Variants in ACTR8 observed in about 807,000 individuals in gnomAD.
ACTR8 encodes the protein actin related protein 8, also known as actin-related protein 8.
A neutral mutation model predicts 84.3 loss-of-function variants in ACTR8; 70 were observed. The observed-to-expected ratio is 0.83, with a 90% CI of 0.68 to 1.01. ACTR8 has a LOEUF of 1.01. Among genes scored for constraint, ACTR8 ranks in the 50% least tolerant of loss-of-function variants. The pLI is 0.00. For missense variants in ACTR8, 672 were observed against 775.4 expected, an observed-to-expected ratio of 0.87 and a Z score of 1.58; for synonymous variants, 268 against 275.2, an observed-to-expected ratio of 0.97 and a Z score of 0.26.
Position 53,882,036 on chromosome 3 carries a change from C to T in ACTR8, c.66G>A (p.Glu22=), listed in dbSNP as rs769711810. 3.5e-5 allele frequency: 54 copies of T among 1,551,762 alleles called. 1 individual carries two copies. Among genetic ancestry groups the T allele is most frequent in the Middle Eastern group, 3.3e-4 (2 of 5,992 alleles). The part of the protein sequence containing the change: ...GKEKGGEKEK[E]QRGVKRPIVP... ...CGATGGGCCGCTTCACGCCGCGCTG[C>T]TCCTTCTCCTTCTCGCCGCCCTTCT... Residue 22 remains glutamate, a synonymous_variant, in exon 1 of 13, where the codon GAG becomes GAA. Coordinates refer to ENST00000335754, the MANE Select transcript of ACTR8 (RefSeq NM_022899.5).
rs534309799 is a variant in ACTR8 at position 53,876,083 on chromosome 3, G to C, written c.779-3C>G. The C allele has an allele frequency of 1.6e-5, 24 of 1,546,264 alleles. No homozygotes were observed. The highest frequency in any genetic ancestry group is 1.8e-5 in the Non-Finnish European group (21 of 1,155,576). On this transcript the variant is annotated splice_polypyrimidine_tract_variant and splice_region_variant and intron_variant, in intron 6 of 12. Coordinates refer to ENST00000335754, the MANE Select transcript of ACTR8 (RefSeq NM_022899.5). ...AGACTCCTGATGGACCACAATCCCT[G>C]GGGGGGGAAAAGAAAAGGCAGAGTA...
rs1370643485 is a variant in ACTR8, at chr3:53,873,020, C to T, written c.1161+12G>A. On this transcript the variant is annotated intron_variant, in intron 9 of 12. Transcript: ENST00000335754. Reference sequence around the variant, plus strand: ...TTCTTTCTACCCATGGAAACAGATACCTATAAGTTACCTGCAGTTTTTCAT... The same window carrying T: ...TTCTTTCTACCCATGGAAACAGATATCTATAAGTTACCTGCAGTTTTTCAT... 7 of 1,592,896 alleles carry T rather than the reference C, an allele frequency of 4.4e-6. No homozygotes were observed. Among genetic ancestry groups the T allele is most frequent in the African/African-American group, 1.3e-5 (1 of 74,618 alleles).
At chr3:53,877,084 C>G in intron 5 of ACTR8, 130 bp downstream of exon 5, 1 of 838,684 alleles carries the variant, frequency 1.2e-6, no homozygotes, top group Non-Finnish European at 1.7e-6. Flanking sequence ...CCTCATGCCA[C>G]CAAGAATCCT....
chr3:53,868,950 G>T, intron 12 of ACTR8, 88 bp from the exon 13 acceptor site: 1 of 1,503,482 alleles, frequency 6.7e-7, no homozygotes, highest in Non-Finnish European at 9.0e-7. Context: ...AAAAATCCCT[G>T]CTGAGTCAAT....
At chr3:53,877,863 CA>C in intron 3 of ACTR8, 112 bp from the exon 4 acceptor site, 2 of 831,750 alleles carry the variant, frequency 2.4e-6, no homozygotes, top group Non-Finnish European at 3.7e-6. Context: ...ATTTTAATCA[CA>C]AATATTTGGC....
chr3:53,873,285 G>A (rs1699916118), intron 8 of ACTR8, 158 bp from the exon 9 acceptor site: 1 of 458,088 alleles, frequency 2.2e-6, no homozygotes, highest in Non-Finnish European at 3.9e-6. Context: ...TAGGAATTAA[G>A]TTGTACTTTG....
rs1699871958 is a variant in ACTR8 at position 53,870,764 on chromosome 3, C to A, written c.1567+468G>T. ...TCCCAGCCACACAGGTCTTCACAGG[C>A]TTCTTCCTCTACCCCATCTGTGACT... On this transcript the variant is annotated intron_variant, in intron 11 of 12. Transcript: ENST00000335754. This position sits in a 1 kb window ranked among gnomAD's most constrained non-coding sequence, Gnocchi z 4.1. Among the ~76,000 whole-genome samples, 1 of 152,214 alleles carries A rather than the reference C, an allele frequency of 6.6e-6. No homozygotes were observed. Among genetic ancestry groups the A allele is most frequent in the South Asian group, 2.1e-4 (1 of 4,824 alleles).
At chr3:53,879,211 G>A (rs1199937939) in intron 2 of ACTR8, among the ~76,000 whole-genome samples, 1 of 152,120 alleles carries the variant, frequency 6.6e-6, no homozygotes, top group Non-Finnish European at 1.5e-5. Context: ...AAGATCCAAA[G>A]ATAAATAATG....
downstream of ACTR8, among the ~76,000 whole-genome samples, chr3:53,863,821 ATT>A (rs11318618): frequency 1.6e-3 from 220 of 138,286 alleles, no homozygotes; most frequent in African/African-American, 1.9e-3. Context: ...ACCTCAAAGT[ATT>A]TTTTTTTTTT....
chr3:53,878,062 C>T (rs1395995221), intron 3 of ACTR8, among the ~76,000 whole-genome samples: 3 of 152,150 alleles, frequency 2.0e-5, no homozygotes, highest in African/African-American at 7.2e-5. Context: ...ATTGGTTTAT[C>T]ATATGAAATT....
At chr3:53,865,534 A>G (rs1699756212), downstream of ACTR8, 1 of 503,974 alleles carries the variant, frequency 2.0e-6, no homozygotes, top group Non-Finnish European at 3.5e-6. Flanking sequence ...GAAATCAATT[A>G]CAGTTTTAAT....
chr3:53,879,545 CA>C (rs375746337), intron 2 of ACTR8, among the ~76,000 whole-genome samples: 6 of 152,180 alleles, frequency 3.9e-5, no homozygotes, highest in African/African-American at 1.4e-4. Flanking sequence ...CTTATTGTAA[CA>C]ATCTAATTTG....
the ACTR8 span, chr3:53,859,982 C>A: frequency 1.7e-6 from 1 of 585,378 alleles, no homozygotes; most frequent in Non-Finnish European, 2.9e-6. Context: ...TGCACTCCAG[C>A]CTAGGCAACA....
Position 53,872,457 on chromosome 3 carries a change from T to C in ACTR8, c.1229A>G (p.His410Arg). The change falls in exon 10 of 13, where the codon CAC (histidine) becomes CGC (arginine). Residue 410 changes from histidine (H) to arginine (R), a missense_variant. His to Arg is a conservative substitution (Grantham distance 29). Coordinates refer to ENST00000335754, the MANE Select transcript of ACTR8 (RefSeq NM_022899.5). Reference protein sequence around the residue: ...IVGQKMTTLQHRSQGDPEDPH... With the variant: ...IVGQKMTTLQRRSQGDPEDPH... ...ATCCTCAGGATCGCCCTGAGATCTG[T>C]GCTGCAAAGTCGTCATTTTCTGTCC... 6.2e-7 allele frequency: 1 copy of C among 1,611,644 alleles called. No individual in the cohort carries two copies. The highest frequency in any genetic ancestry group is 8.5e-7 in the Non-Finnish European group (1 of 1,179,188).
In ACTR8 at chr3:53,870,907, T is replaced by C. The variant is rs1420950881; in HGVS notation, c.1567+325A>G. On this transcript the variant is annotated intron_variant, in intron 11 of 12. Transcript: ENST00000335754. This position sits in a 1 kb window ranked among gnomAD's most constrained non-coding sequence, Gnocchi z 4.1. ...AGTGAGTAAAGATTCTATGTGAAAT[T>C]CCTCAAATTATTACACAAATGTGAA... 6.6e-6 allele frequency among the ~76,000 whole-genome samples: 1 copy of C among 152,236 alleles called. No homozygotes were observed. The highest frequency in any genetic ancestry group is 1.5e-5 in the Non-Finnish European group (1 of 68,038).
chr3:53,881,600 C>T (rs916935222), intron 1 of ACTR8: 1 of 331,100 alleles, frequency 3.0e-6, no homozygotes, highest in Non-Finnish European at 5.7e-6. Context: ...GTGAGCCAGC[C>T]TGGTCCTAAA....
At chr3:53,879,620 T>G (rs1322728108) in intron 2 of ACTR8, among the ~76,000 whole-genome samples, 1 of 152,202 alleles carries the variant, frequency 6.6e-6, no homozygotes, top group Non-Finnish European at 1.5e-5. Flanking sequence ...AAAGAGATAT[T>G]TACAGTTTAA....
At chr3:53,878,491 C>A in intron 2 of ACTR8, 24 bp from the exon 3 acceptor site, 1 of 1,402,884 alleles carries the variant, frequency 7.1e-7, no homozygotes, top group South Asian at 1.2e-5. Flanking sequence ...GAAAGATGAG[C>A]AGTACAAAGG....
At chr3:53,865,177 C>T (rs781706838), downstream of ACTR8, 2 of 1,614,162 alleles carry the variant, frequency 1.2e-6, no homozygotes, top group Non-Finnish European at 1.7e-6. Context: ...TTACAATGCT[C>T]TCAGTGTCTG....
Sources: allele counts gnomAD v4.1 joint callset (sites outside exome capture counted in the v4.1 genomes callset), GRCh38; gene constraint gnomAD v4.1.1; non-coding constraint Gnocchi (gnomAD v3.1); transcripts MANE v1.5; gene names NCBI Gene and HGNC (gene_info 2026-07-23, HGNC 2026-07-21).